Variants in RGS3 observed in about 807,000 individuals in gnomAD.
The protein encoded by RGS3 is regulator of G protein signaling 3.
In RGS3, 80 loss-of-function variants were observed where a neutral mutation model predicts 132.6. The observed-to-expected ratio is 0.60, with a 90% CI of 0.50 to 0.73. The LOEUF (loss-of-function observed/expected upper bound fraction) is 0.73. RGS3 is among the 30% of genes least tolerant of loss of function. RGS3 has a pLI of 0.00. For missense variants in RGS3, 1,382 were observed against 1,530.8 expected (o/e 0.90, Z 1.62); for synonymous variants, 598 against 620.6 (o/e 0.96, Z 0.54).
At position 113,507,303 on chromosome 9, in the gene RGS3, A is replaced by G; in HGVS notation, c.1102A>G (p.Ile368Val). 2 of 1,612,164 alleles carry G rather than the reference A, an allele frequency of 1.2e-6. No homozygotes were observed. Residue 368 changes from isoleucine (I) to valine (V), a missense_variant, in exon 13 of 25, where the codon ATC becomes GTC. Ile to Val is a conservative substitution (Grantham distance 29). Coordinates refer to ENST00000350696, the Ensembl canonical transcript of RGS3. The surrounding 1 kb of genome is among the most constrained non-coding windows in gnomAD (Gnocchi z 5.0). ...ACCTTCCAGGAGCTGCCCCAGTGAGATCATCCTACTCGTGTGGCGCATGGT... is the reference window on the plus strand; with the variant it reads ...ACCTTCCAGGAGCTGCCCCAGTGAGGTCATCCTACTCGTGTGGCGCATGGT...
chr9:113,507,497 T>C lies in RGS3; in HGVS notation c.1296T>C (p.Asp432=), dbSNP rs1241689293. 1 of 1,611,994 alleles carries C rather than the reference T, an allele frequency of 6.2e-7. No individual in the cohort carries two copies. The highest frequency in any genetic ancestry group is 1.3e-5 in the African/African-American group (1 of 75,048). Residue 432 remains aspartate, a synonymous_variant, in exon 13 of 25, where the codon GAT becomes GAC. Transcript: ENST00000350696. This position sits in a 1 kb window ranked among gnomAD's most constrained non-coding sequence, Gnocchi z 5.0. The stretch of plus-strand genomic sequence containing the variant: ...GCCACCTGGTATGTGACAGCTCTGA[T>C]GGGCTGCTGCTCGGCGGCTGGGAGC...
rs967998026 is a variant in RGS3 at position 113,470,772 on chromosome 9, G to A, written c.415+8571G>A. ...TCAAGCCCAGAAGTTCGAGACCAGT[G>A]TGGGCAACATAGTGAGAGCTCATCT... On this transcript the variant is annotated intron_variant, in intron 3 of 24. Transcript: ENST00000350696. Among the ~76,000 whole-genome samples, 5 of 152,070 alleles carry A rather than the reference G, an allele frequency of 3.3e-5. No homozygotes were observed. In the South Asian group the frequency reaches 1.0e-3, roughly 32 times the overall value.
intron 19 of RGS3, among the ~76,000 whole-genome samples, chr9:113,580,503 C>A (rs949764545): frequency 6.6e-6 from 1 of 152,222 alleles, no homozygotes; most frequent in Non-Finnish European, 1.5e-5. Context: ...TCACTGGGCT[C>A]AATTCCAGAT....
At chr9:113,566,548 T>G (rs1397280761) in intron 19 of RGS3, among the ~76,000 whole-genome samples, 2 of 152,168 alleles carry the variant, frequency 1.3e-5, no homozygotes, top group African/African-American at 4.8e-5. Context: ...GAGCAGCAGG[T>G]CTGTGGCTGA....
intron 20 of RGS3, among the ~76,000 whole-genome samples, chr9:113,587,462 G>A (rs569843389): frequency 6.6e-6 from 1 of 152,312 alleles, no homozygotes; most frequent in Admixed American, 6.5e-5. Context: ...TGAGACCTTG[G>A]CCAAGTTGCT....
At chr9:113,541,522 A>AGAG in intron 19 of RGS3, 1 of 1,544,324 alleles carries the variant, frequency 6.5e-7, no homozygotes, top group Non-Finnish European at 8.7e-7. Context: ...GACCTGAAAC[A>AGAG]GAGGACCAAG....
At chr9:113,593,460 G>A (rs1156306169) in intron 21 of RGS3, 2 of 153,740 alleles carry the variant, frequency 1.3e-5, no homozygotes, top group Non-Finnish European at 2.9e-5. Flanking sequence ...TTTATTATTC[G>A]AAAATCACAA....
intron 7 of RGS3, among the ~76,000 whole-genome samples, chr9:113,491,637 C>G (rs528738380): frequency 9.9e-5 from 15 of 152,056 alleles, no homozygotes; most frequent in Non-Finnish European, 1.6e-4. Context: ...TCACTGAAAC[C>G]TCCACCTCCT....
At chr9:113,517,497 C>T (rs1359803671) in intron 15 of RGS3, 44 bp from the exon 14 acceptor site, 2 of 1,546,442 alleles carry the variant, frequency 1.3e-6, no homozygotes, top group African/African-American at 1.4e-5. Flanking sequence ...GGGTCCTCAC[C>T]CAGCCTCTTT....
chr9:113,577,972 T>C (rs997784285), intron 19 of RGS3, among the ~76,000 whole-genome samples: 7 of 152,256 alleles, frequency 4.6e-5, no homozygotes, highest in African/African-American at 1.7e-4. Flanking sequence ...CCTAGAACAG[T>C]GTCTGGATGC....
exon 5 of RGS3, chr9:113,483,065 A>G (rs1830216293): frequency 1.2e-6 from 2 of 1,613,930 alleles, no homozygotes; most frequent in Non-Finnish European, 1.7e-6. Context: ...TTAGTTATAG[A>G]AGGTAAAGGC....
chr9:113,481,696 C>G (rs1271040602), intron 4 of RGS3, among the ~76,000 whole-genome samples: 3 of 152,228 alleles, frequency 2.0e-5, no homozygotes, highest in African/African-American at 7.2e-5. Context: ...GTTTCCCAGG[C>G]CTTGCACCTC....
chr9:113,549,211 G>A (rs1326099843), intron 19 of RGS3, among the ~76,000 whole-genome samples: 1 of 152,202 alleles, frequency 6.6e-6, no homozygotes. Context: ...CCTCTCACTA[G>A]CCATGGGATT....
At chr9:113,529,373 C>T in intron 18 of RGS3, 109 bp downstream of exon 16, 1 of 977,754 alleles carries the variant, frequency 1.0e-6, no homozygotes, top group Non-Finnish European at 1.6e-6. Flanking sequence ...TCCATACCCA[C>T]TCATGCCGAA....
chr9:113,543,600 A>C (rs1832989107), intron 19 of RGS3, among the ~76,000 whole-genome samples: 1 of 152,242 alleles, frequency 6.6e-6, no homozygotes, highest in African/African-American at 2.4e-5. Flanking sequence ...ATTCCCTTAC[A>C]AAATGACATT....
At chr9:113,475,930 T>G (rs1829979174) in intron 3 of RGS3, among the ~76,000 whole-genome samples, 1 of 151,916 alleles carries the variant, frequency 6.6e-6, no homozygotes, top group Admixed American at 6.6e-5. Flanking sequence ...ATTTTTTTTC[T>G]TTTTCTTTTT....
chr9:113,479,656 T>C, intron 4 of RGS3, 115 bp downstream of exon 2: 1 of 916,274 alleles, frequency 1.1e-6, no homozygotes. Flanking sequence ...TTCTCATCCT[T>C]GTATAAAGGA....
At chr9:113,575,534 T>C (rs978024156) in intron 19 of RGS3, among the ~76,000 whole-genome samples, 2 of 152,178 alleles carry the variant, frequency 1.3e-5, no homozygotes, top group Admixed American at 1.3e-4. Context: ...TGCTCCAAGG[T>C]CATGCCTCTT....
rs189747319 is a variant in RGS3 at position 113,523,607 on chromosome 9, G to A, written c.1870+566G>A. Among the ~76,000 whole-genome samples, 1,004 of 152,262 alleles carry A rather than the reference G, an allele frequency of 6.6e-3. 5 individuals are homozygous for A. Among genetic ancestry groups the A allele is most frequent in the Non-Finnish European group, 0.01 (707 of 68,018 alleles). ...CCAAGCCGCTGGGGCTCAGGCACAT[G>A]TGGGAGCGTGGAGGGAATTTCTAAC... On this transcript the variant is annotated intron_variant, in intron 17 of 24. Transcript: ENST00000350696.
Sources: gnomAD v4.1 joint callset for allele counts (sites outside exome capture counted in the v4.1 genomes callset) on GRCh38, gnomAD v4.1.1 for gene constraint, Gnocchi (gnomAD v3.1) non-coding constraint, MANE v1.5 for transcripts, NCBI Gene and HGNC (gene_info 2026-07-23, HGNC 2026-07-21) for gene names.